The following HNF1B variants were observed in gnomAD, a reference collection of about 807,000 sequenced individuals.
The protein encoded by HNF1B is hepatocyte nuclear factor 1-beta.
In HNF1B, 8 loss-of-function variants were observed where a neutral mutation model predicts 61.7. The ratio of observed to expected loss-of-function variants is 0.13; its 90% confidence interval spans 0.08 to 0.23. The LOEUF (loss-of-function observed/expected upper bound fraction) is 0.23. Ranked by LOEUF, HNF1B falls within the 10% of genes least tolerant of loss-of-function variation. HNF1B has a pLI of 1.00. For missense variants in HNF1B, 562 were observed against 714.5 expected (o/e 0.79, Z 2.43); for synonymous variants, 314 against 287.7 (o/e 1.09, Z -0.93).
chr17:37,733,456 CT>C, intron 3 of HNF1B, 100 bp downstream of exon 3: 1 of 1,352,576 alleles, frequency 7.4e-7, no homozygotes, highest in Non-Finnish European at 1.1e-6. Flanking sequence ...TTTAGCCACA[CT>C]TATCTGTATA....
chr17:37,699,971 A>T (rs1288147741), intron 7 of HNF1B, among the ~76,000 whole-genome samples: 1 of 152,132 alleles, frequency 6.6e-6, no homozygotes, highest in Non-Finnish European at 1.5e-5. Flanking sequence ...AATCTTTATA[A>T]TTTTTTATGC....
chr17:37,700,854 C>G, intron 7 of HNF1B, 129 bp downstream of exon 7: 1 of 812,748 alleles, frequency 1.2e-6, no homozygotes, highest in South Asian at 1.5e-5. Flanking sequence ...TTGTCTTAGT[C>G]GGTTGATCAT....
intron 8 of HNF1B, among the ~76,000 whole-genome samples, chr17:37,694,255 C>T (rs2032299882): frequency 6.6e-6 from 1 of 151,956 alleles, no homozygotes; most frequent in Non-Finnish European, 1.5e-5. Context: ...TGGTGAATCC[C>T]TGTTTCTACT....
chr17:37,730,337 G>A (rs1598839391), intron 4 of HNF1B: 1 of 152,480 alleles, frequency 6.6e-6, no homozygotes, highest in African/African-American at 2.4e-5. Context: ...AATCAGGCCA[G>A]TCTTTGCCTA....
In HNF1B at chr17:37,696,180, C is replaced by T. The variant is rs2032377091; in HGVS notation, c.1653+2896G>A. On this transcript the variant is annotated intron_variant, in intron 8 of 8. Coordinates refer to ENST00000617811, the MANE Select transcript of HNF1B (RefSeq NM_000458.4). ...GAGTCTAGGGCTAGGCATGGTGGCT[C>T]ACACCTGTAATCCCAGCACTTTGGG... Among the ~76,000 whole-genome samples, 4 of 152,106 alleles carry T rather than the reference C, an allele frequency of 2.6e-5. No individual in the cohort carries two copies. The South Asian group carries it at 6.2e-4, about 24-fold the overall frequency.
At chr17:37,696,464 A>T (rs1287248148) in intron 8 of HNF1B, among the ~76,000 whole-genome samples, 2 of 152,058 alleles carry the variant, frequency 1.3e-5, no homozygotes, top group Non-Finnish European at 2.9e-5. Context: ...ATAAATAAAT[A>T]AGAGCCCAGG....
intron 5 of HNF1B, among the ~76,000 whole-genome samples, chr17:37,709,213 A>G (rs924918400): frequency 4.6e-5 from 7 of 152,100 alleles, no homozygotes; most frequent in Non-Finnish European, 1.0e-4. Context: ...TCAGAACCTA[A>G]TCCTAATTAG....
At chr17:37,707,376 A>C (rs1031565597) in intron 5 of HNF1B, among the ~76,000 whole-genome samples, 4 of 152,202 alleles carry the variant, frequency 2.6e-5, no homozygotes, top group Admixed American at 2.6e-4. Flanking sequence ...TCACCTCCCA[A>C]AATAGTGGAA....
In HNF1B at chr17:37,710,521, G is replaced by A. The variant is rs1181356826; in HGVS notation, c.1188C>T (p.Leu396=). 6.8e-6 allele frequency: 11 copies of A among 1,614,106 alleles called. No individual in the cohort carries two copies. The highest frequency in any genetic ancestry group is 8.5e-6 in the Non-Finnish European group (10 of 1,180,050). Reference sequence around the variant, plus strand: ...TACTCACCATTTTACCATCAGGTGAGAGGAGATTGTGGCCTGGGTCCAGGC... The same window carrying A: ...TACTCACCATTTTACCATCAGGTGAAAGGAGATTGTGGCCTGGGTCCAGGC... ...PASLDPGHNL[L]SPDGKMISVS... Residue 396 remains leucine, a synonymous_variant, in exon 5 of 9, where the codon CTC becomes CTT. Transcript: ENST00000617811.
chr17:37,691,861 GAGGCC>G (rs1279996089), intron 8 of HNF1B, among the ~76,000 whole-genome samples: 1 of 152,168 alleles, frequency 6.6e-6, no homozygotes, highest in Non-Finnish European at 1.5e-5. Flanking sequence ...GATAGATGAT[GAGGCC>G]ACCCACCTGC....
intron 4 of HNF1B, among the ~76,000 whole-genome samples, chr17:37,725,356 A>T (rs2147521611): frequency 6.6e-6 from 1 of 152,284 alleles, no homozygotes; most frequent in African/African-American, 2.4e-5. Context: ...TTGGAGCCCC[A>T]CGAGCACAGC....
intron 1 of HNF1B, among the ~76,000 whole-genome samples, chr17:37,744,123 G>A (rs991318865): frequency 1.3e-5 from 2 of 152,234 alleles, no homozygotes; most frequent in African/African-American, 4.8e-5. Context: ...TTCCAGACCC[G>A]AGGCAGGGCG....
At chr17:37,731,137 T>G (rs889514308) in intron 4 of HNF1B, 1 of 225,384 alleles carries the variant, frequency 4.4e-6, no homozygotes, top group African/African-American at 2.2e-5. Flanking sequence ...CTACTGAGCT[T>G]CTCCTGAGGC....
intron 4 of HNF1B, among the ~76,000 whole-genome samples, chr17:37,713,785 C>T (rs1408464460): frequency 6.6e-6 from 1 of 152,200 alleles, no homozygotes; most frequent in Non-Finnish European, 1.5e-5. Flanking sequence ...CCCAGATCCA[C>T]CTGCAGGTGT....
Position 37,744,957 on chromosome 17 carries a change from C to T in HNF1B, c.-73G>A. The T allele has an allele frequency of 1.5e-6, 2 of 1,302,326 alleles. No individual in the cohort carries two copies. Among genetic ancestry groups the T allele is most frequent in the Non-Finnish European group, 2.2e-6 (2 of 923,008 alleles). 80.7% of individuals were successfully genotyped at this position (1,302,326 alleles called of 1,614,324 possible). On this transcript the variant is annotated 5_prime_UTR_variant, in exon 1 of 9. It adds an upstream start codon to the 5' untranslated region. Coordinates refer to ENST00000617811, the MANE Select transcript of HNF1B (RefSeq NM_000458.4). The stretch of plus-strand genomic sequence containing the variant: ...GAGAGGAGGGTGGAGGGGAGTTTCA[C>T]AAGCAAACCCCAAATCCAGGAACCC...
intron 4 of HNF1B, among the ~76,000 whole-genome samples, chr17:37,712,061 G>A (rs117268105): frequency 1.0e-3 from 157 of 152,316 alleles, no homozygotes; most frequent in Non-Finnish European, 1.9e-3. Context: ...ACCCAAGGCC[G>A]ATATGACCTA....
chr17:37,691,149 A>G (rs1441189331), intron 8 of HNF1B, among the ~76,000 whole-genome samples: 2 of 152,150 alleles, frequency 1.3e-5, no homozygotes, highest in Non-Finnish European at 2.9e-5. Flanking sequence ...AAAAGTAACC[A>G]TTGGTTTCAG....
intron 1 of HNF1B, among the ~76,000 whole-genome samples, chr17:37,744,272 C>A (rs1363017513): frequency 6.6e-6 from 1 of 152,264 alleles, no homozygotes; most frequent in Admixed American, 6.5e-5. Context: ...CTCCAGTTCT[C>A]CCCGGCCCAG....
intron 5 of HNF1B, among the ~76,000 whole-genome samples, chr17:37,710,111 C>A (rs1478037284): frequency 6.6e-6 from 1 of 152,184 alleles, no homozygotes; most frequent in Non-Finnish European, 1.5e-5. Context: ...GAAGAGGGGG[C>A]TTGTGTCAAA....
Sources: allele counts gnomAD v4.1 joint callset (sites outside exome capture counted in the v4.1 genomes callset), GRCh38; gene constraint gnomAD v4.1.1; transcripts MANE v1.5; gene names NCBI Gene and HGNC (gene_info 2026-07-23, HGNC 2026-07-21).